Variants in SLC25A48 observed in about 807,000 individuals in gnomAD.
SLC25A48 encodes CTC-321K16.1.
A neutral mutation model predicts 32.2 loss-of-function variants in SLC25A48; 29 were observed. That is an observed-to-expected ratio of 0.90 (90% CI 0.67 to 1.23). SLC25A48 has a LOEUF of 1.23. SLC25A48 is among the 50% of genes most tolerant of loss of function. The probability of loss-of-function intolerance (pLI) is 0.00; values close to 1 mark genes in which losing one functional copy is unlikely to be tolerated. For synonymous variants in SLC25A48, 164 were observed against 172.3 expected, an observed-to-expected ratio of 0.95 and a Z score of 0.38; for missense variants, 399 against 422.7, an observed-to-expected ratio of 0.94 and a Z score of 0.49.
chr5:135,840,736 C>T (rs980824844), intron 1 of SLC25A48, among the ~76,000 whole-genome samples: 7 of 152,194 alleles, frequency 4.6e-5, no homozygotes, highest in African/African-American at 1.7e-4. Flanking sequence ...CTGTAGCATG[C>T]ATCAATAGTT....
At chr5:135,581,787 T>C (rs1751240027) in intron 1 of SLC25A48, among the ~76,000 whole-genome samples, 1 of 152,218 alleles carries the variant, frequency 6.6e-6, no homozygotes, top group Admixed American at 6.5e-5. Context: ...AGCCCTTGTT[T>C]GTGTGAGTTC....
At chr5:135,579,980 A>G (rs1240051284) in intron 1 of SLC25A48, among the ~76,000 whole-genome samples, 1 of 152,224 alleles carries the variant, frequency 6.6e-6, no homozygotes, top group Non-Finnish European at 1.5e-5. Context: ...TGTTTCTGAT[A>G]GGGTGGCTGT....
intron 3 of SLC25A48, among the ~76,000 whole-genome samples, chr5:135,719,883 C>T (rs1189765981): frequency 6.6e-6 from 1 of 152,202 alleles, no homozygotes; most frequent in Admixed American, 6.5e-5. Context: ...CCACCTTCCA[C>T]ACTGACTTGG....
intron 2 of SLC25A48, among the ~76,000 whole-genome samples, chr5:135,846,082 C>A (rs1250098559): frequency 6.6e-6 from 1 of 152,170 alleles, no homozygotes; most frequent in Non-Finnish European, 1.5e-5. Context: ...TGCTTCCTCT[C>A]AGATCAGTGG....
At chr5:135,827,460 C>A (rs1472545037) in intron 4 of SLC25A48, 2 of 152,194 alleles carry the variant, frequency 1.3e-5, no homozygotes, top group Admixed American at 6.5e-5. Flanking sequence ...TTCCAAGGCA[C>A]TCCTATGACT....
At chr5:135,743,660 C>G (rs1755563581) in intron 3 of SLC25A48, among the ~76,000 whole-genome samples, 1 of 152,158 alleles carries the variant, frequency 6.6e-6, no homozygotes, top group African/African-American at 2.4e-5. Flanking sequence ...GCCTGGAAAC[C>G]TCCCAACACT....
chr5:135,737,464 A>T (rs1249139758), intron 3 of SLC25A48, among the ~76,000 whole-genome samples: 2 of 152,222 alleles, frequency 1.3e-5, no homozygotes. Context: ...ATGATGGCTT[A>T]TCTTGGGCTC....
intron 4 of SLC25A48, among the ~76,000 whole-genome samples, chr5:135,868,396 G>A (rs1310194451): frequency 1.3e-5 from 2 of 152,178 alleles, no homozygotes; most frequent in African/African-American, 4.8e-5. Flanking sequence ...TTGAAGCACT[G>A]GATCCTGTCC....
At chr5:135,731,461 G>T (rs1041688376) in intron 3 of SLC25A48, among the ~76,000 whole-genome samples, 1 of 152,158 alleles carries the variant, frequency 6.6e-6, no homozygotes, top group African/African-American at 2.4e-5. Flanking sequence ...ATTTTTGGGG[G>T]TGCTATGGAG....
intron 3 of SLC25A48, among the ~76,000 whole-genome samples, chr5:135,730,058 G>C (rs2126990745): frequency 6.6e-6 from 1 of 152,294 alleles, no homozygotes; most frequent in East Asian, 1.9e-4. Flanking sequence ...AGAGGTTGCA[G>C]GCAAGAAGCT....
intron 3 of SLC25A48, among the ~76,000 whole-genome samples, chr5:135,664,803 T>A (rs992563381): frequency 1.3e-5 from 2 of 152,208 alleles, no homozygotes; most frequent in Non-Finnish European, 1.5e-5. Flanking sequence ...ATAAACCACA[T>A]TTTTTTAATC....
intron 2 of SLC25A48, among the ~76,000 whole-genome samples, chr5:135,633,583 T>C (rs1202854603): frequency 2.0e-5 from 3 of 151,990 alleles, no homozygotes; most frequent in Non-Finnish European, 2.9e-5. Flanking sequence ...CAAGGCTCCA[T>C]AACTATGAGA....
intron 3 of SLC25A48, among the ~76,000 whole-genome samples, chr5:135,652,053 C>G (rs1215899393): frequency 6.6e-6 from 1 of 152,226 alleles, no homozygotes; most frequent in Non-Finnish European, 1.5e-5. Flanking sequence ...CCTCTTCCCT[C>G]AGCCACCCTA....
At chr5:135,700,059 T>G (rs1453424911) in intron 3 of SLC25A48, among the ~76,000 whole-genome samples, 3 of 152,130 alleles carry the variant, frequency 2.0e-5, no homozygotes, top group African/African-American at 7.2e-5. Flanking sequence ...CACCAGCATT[T>G]GACACATGGC....
intron 3 of SLC25A48, among the ~76,000 whole-genome samples, chr5:135,640,597 G>A (rs1377855131): frequency 1.3e-5 from 2 of 152,000 alleles, no homozygotes; most frequent in African/African-American, 2.4e-5. Flanking sequence ...TCCTTAACAC[G>A]TTATAAGGAA....
chr5:135,742,440 G>A, intron 3 of SLC25A48: 7 of 1,497,048 alleles, frequency 4.7e-6, no homozygotes, highest in Non-Finnish European at 6.2e-6. Flanking sequence ...TCTCCCAGTG[G>A]TTCCTGAGGT....
chr5:135,599,139 A>G (rs1751727892), intron 1 of SLC25A48, among the ~76,000 whole-genome samples: 1 of 151,954 alleles, frequency 6.6e-6, no homozygotes, highest in South Asian at 2.1e-4. Flanking sequence ...TTTTGTCTTT[A>G]TTTCTAAATA....
chr5:135,685,519 G>A (rs1445688942), intron 3 of SLC25A48, among the ~76,000 whole-genome samples: 2 of 147,984 alleles, frequency 1.4e-5, no homozygotes, highest in African/African-American at 2.5e-5. Context: ...TGCAACCTCT[G>A]CCTTCCGGGT....
chr5:135,801,935 G>A (rs1031024087), intron 3 of SLC25A48, among the ~76,000 whole-genome samples: 13 of 151,730 alleles, frequency 8.6e-5, no homozygotes, highest in Non-Finnish European at 1.9e-4. Context: ...GGGAAAGAGG[G>A]GATGATATTA....
Sources: allele counts gnomAD v4.1 joint callset (sites outside exome capture counted in the v4.1 genomes callset), GRCh38; gene constraint gnomAD v4.1.1; transcripts MANE v1.5; gene names NCBI Gene and HGNC (gene_info 2026-07-23, HGNC 2026-07-21).